The following ATXN7 variants were observed in gnomAD, a reference collection of about 807,000 sequenced individuals.
ATXN7 encodes the protein ataxin-7.
In ATXN7, 12 loss-of-function variants were observed where a neutral mutation model predicts 70.5. The ratio of observed to expected loss-of-function variants is 0.17; its 90% confidence interval spans 0.11 to 0.28. The LOEUF is 0.28. Ranked by LOEUF, ATXN7 falls within the 10% of genes least tolerant of loss-of-function variation. ATXN7 has a pLI of 1.00. For missense variants in ATXN7, 1,256 were observed against 1,131.7 expected (o/e 1.11, Z -1.58); for synonymous variants, 498 against 448.7 (o/e 1.11, Z -1.39).
At chr3:63,963,064 C>T (rs558592665) in intron 5 of ATXN7, among the ~76,000 whole-genome samples, 62 of 152,014 alleles carry the variant, frequency 4.1e-4, no homozygotes, top group African/African-American at 1.5e-3. Flanking sequence ...TACAGGCACA[C>T]GCCACCACAC....
At chr3:63,997,705 G>GT in intron 12 of ATXN7, 1 of 1,551,116 alleles carries the variant, frequency 6.4e-7, no homozygotes, top group Non-Finnish European at 8.7e-7. Flanking sequence ...TCTTTTTCAT[G>GT]ATTTTTTTTC....
At chr3:63,909,761 A>G (rs921241367) in intron 2 of ATXN7, among the ~76,000 whole-genome samples, 10 of 152,146 alleles carry the variant, frequency 6.6e-5, no homozygotes, top group Non-Finnish European at 4.4e-5. Context: ...GGTAAAATGC[A>G]TTGGCTGCAG....
At chr3:63,992,454 C>G (rs2075687675) in intron 11 of ATXN7, among the ~76,000 whole-genome samples, 1 of 152,084 alleles carries the variant, frequency 6.6e-6, no homozygotes, top group African/African-American at 2.4e-5. Context: ...TCAGACTACC[C>G]ATTGGGAGTT....
chr3:63,863,538 G>A, upstream of ATXN7: 3 of 1,194,112 alleles, frequency 2.5e-6, no homozygotes, highest in Non-Finnish European at 3.1e-6. Flanking sequence ...GAGAGCGGAC[G>A]GGGAAAGCCG....
At position 63,980,971 on chromosome 3, in the gene ATXN7, G is replaced by A. The variant is rs73834162; in HGVS notation, c.752+804G>A. On this transcript the variant is annotated intron_variant, in intron 6 of 12. Coordinates refer to ENST00000674280, the MANE Select transcript of ATXN7 (RefSeq NM_001377405.1). ...AGATTGACAGGTTTCTTGAGGTCAC[G>A]TGAGGGAGCAGCCACGCACTCCAAT... Among the ~76,000 whole-genome samples the A allele has an allele frequency of 1.7e-3, 266 of 152,316 alleles. 1 individual carries two copies. Among genetic ancestry groups the A allele is most frequent in the African/African-American group, 6.1e-3 (254 of 41,564 alleles).
chr3:63,914,313 G>C (rs1160097345), intron 4 of ATXN7, among the ~76,000 whole-genome samples: 1 of 151,912 alleles, frequency 6.6e-6, no homozygotes, highest in African/African-American at 2.4e-5. Context: ...TTTTTGAATT[G>C]GGCGCTTTTT....
At chr3:63,869,561 A>T (rs977882623) in intron 1 of ATXN7, among the ~76,000 whole-genome samples, 2 of 151,964 alleles carry the variant, frequency 1.3e-5, no homozygotes, top group Admixed American at 6.5e-5. Context: ...AGTAGCTGGG[A>T]TTACAGGCAT....
intron 4 of ATXN7, among the ~76,000 whole-genome samples, chr3:63,944,867 C>T (rs1199157918): frequency 1.3e-5 from 2 of 152,188 alleles, no homozygotes; most frequent in East Asian, 1.9e-4. Flanking sequence ...TCTCAGCTCA[C>T]TGCAACCTTT....
intron 2 of ATXN7, among the ~76,000 whole-genome samples, chr3:63,908,435 TA>T (rs1703911819): frequency 6.6e-6 from 1 of 152,200 alleles, no homozygotes; most frequent in Non-Finnish European, 1.5e-5. Flanking sequence ...TTTAGGAAGA[TA>T]AAAAGAAACC....
intron 7 of ATXN7, among the ~76,000 whole-genome samples, 158 bp downstream of exon 7, chr3:63,982,603 C>G (rs1429037219): frequency 6.8e-6 from 1 of 146,792 alleles, no homozygotes; most frequent in African/African-American, 2.6e-5. Context: ...TCTTTTCACT[C>G]TTGGGTTTTA....
At chr3:63,893,172 T>C (rs1224376988) in intron 1 of ATXN7, among the ~76,000 whole-genome samples, 5 of 152,208 alleles carry the variant, frequency 3.3e-5, no homozygotes, top group Admixed American at 1.3e-4. Flanking sequence ...ACTGGGCGCA[T>C]GGTAAGTGTT....
intron 1 of ATXN7, among the ~76,000 whole-genome samples, chr3:63,870,619 T>G (rs878861943): frequency 6.6e-6 from 1 of 152,226 alleles, no homozygotes; most frequent in Non-Finnish European, 1.5e-5. Context: ...CCCATTTTTT[T>G]ATAGAGCTTG....
chr3:63,932,654 T>C (rs1376077449), intron 4 of ATXN7, among the ~76,000 whole-genome samples: 1 of 152,156 alleles, frequency 6.6e-6, no homozygotes, highest in Non-Finnish European at 1.5e-5. Flanking sequence ...TTTTCACAGG[T>C]TATGTGCTGT....
chr3:63,952,840 T>G (rs921416995), intron 5 of ATXN7, among the ~76,000 whole-genome samples: 7 of 96,098 alleles, frequency 7.3e-5, no homozygotes, highest in African/African-American at 2.5e-4. Flanking sequence ...TGGGCCTTTT[T>G]TTTTTTTTTT....
rs548769980 is a variant in ATXN7 at position 63,898,202 on chromosome 3, T to C, written c.-110-197T>C. On this transcript the variant is annotated intron_variant, in intron 1 of 12. Transcript: ENST00000674280. ...ATTTGTTCTTGGTTTATTGTAACTA[T>C]AGCCAATTAAGTTCATTGTAAAAAA... Among the ~76,000 whole-genome samples, 5 of 143,478 alleles carry C rather than the reference T, an allele frequency of 3.5e-5. No homozygotes were observed. The South Asian group carries it at 1.2e-3, about 33-fold the overall frequency. The allele number at this position is 143,478 out of a possible 152,430, so 94.1% of individuals were successfully genotyped here. A position where few individuals can be genotyped will look rare whatever the true frequency, so the allele number is the denominator to read the frequency against.
intron 7 of ATXN7, among the ~76,000 whole-genome samples, 178 bp downstream of exon 7, chr3:63,982,623 AGT>A (rs71099784): frequency 0.13 from 18,581 of 143,400 alleles, 1,371 homozygotes; most frequent in East Asian, 0.34. Flanking sequence ...AAAGAGCATG[AGT>A]GTGTGTGTGT....
chr3:63,982,994 G>A lies in ATXN7; in HGVS notation c.1068G>A (p.Lys356=). 6.2e-7 allele frequency: 1 copy of A among 1,614,084 alleles called. No individual in the cohort carries two copies. The change falls in exon 8 of 13, where the codon AAG becomes AAA. Residue 356 remains lysine (K), a synonymous_variant. Transcript: ENST00000674280. ...HCGVIDLDTK[K]PCTRSLTCKT... ...GGGTTATTGATCTCGACACCAAGAA[G>A]CCCTGCACCCGGTCTTTGACATGCA...
intron 11 of ATXN7, 116 bp downstream of exon 11, chr3:63,990,975 G>A: frequency 6.7e-7 from 1 of 1,500,784 alleles, no homozygotes. Context: ...ACTGGCCTTT[G>A]GCCCTGAGAA....
At chr3:63,952,594 G>C (rs1042281366) in intron 5 of ATXN7, 111 bp downstream of exon 5, 1 of 575,488 alleles carries the variant, frequency 1.7e-6, no homozygotes, top group East Asian at 3.3e-5. Context: ...CCCCCACCAG[G>C]AAGTAGGCTT....
Sources: allele counts gnomAD v4.1 joint callset (sites outside exome capture counted in the v4.1 genomes callset), GRCh38; gene constraint gnomAD v4.1.1; transcripts MANE v1.5; gene names NCBI Gene and HGNC (gene_info 2026-07-23, HGNC 2026-07-21).